CCNI2: variants seen among roughly 807,000 people sequenced by gnomAD.
CCNI2 encodes cyclin I family member 2.
Under a neutral mutation model 33.2 loss-of-function variants are expected in CCNI2, and 32 were observed. The ratio of observed to expected loss-of-function variants is 0.96; its 90% CI spans 0.73 to 1.30. The LOEUF (loss-of-function observed/expected upper bound fraction) is 1.30, where lower values mean the gene tolerates loss of function less well. CCNI2 is among the 50% of genes most tolerant of loss of function. The pLI is 0.00. For missense variants in CCNI2, 452 were observed against 486.2 expected, an observed-to-expected ratio of 0.93 and a Z score of 0.66; for synonymous variants, 231 against 219.9, an observed-to-expected ratio of 1.05 and a Z score of -0.45.
At position 132,747,522 on chromosome 5, in the gene CCNI2, G is replaced by A. The variant is rs779276859; in HGVS notation, c.27G>A (p.Pro9=). 3 of 1,498,706 alleles carry A rather than the reference G, an allele frequency of 2.0e-6. No individual in the cohort carries two copies. The highest frequency in any genetic ancestry group is 2.6e-6 in the Non-Finnish European group (3 of 1,132,132). 92.8% of individuals were successfully genotyped at this position (1,498,706 alleles called of 1,614,324 possible). A position where few individuals can be genotyped will look rare whatever the true frequency, so the allele number is the denominator to read the frequency against. ...TGGCCTCGGGCGCTCAGCTCCCGCC[G>A]CAGCCGTCGAGCTCAGAGGTCAGCG... The part of the protein sequence containing the change: MASGAQLP[P]QPSSSEVSAV... Residue 9 remains proline (P), a synonymous_variant, in exon 1 of 6, where the codon CCG becomes CCA. Transcript: ENST00000378731. The surrounding 1 kb of genome is among the most constrained non-coding windows in gnomAD (Gnocchi z 4.1).
Position 132,752,212 on chromosome 5 carries a change from GC to G in CCNI2, c.1005+20del. 6.4e-7 allele frequency: 1 copy of G among 1,552,942 alleles called. No homozygotes were observed. Among genetic ancestry groups the G allele is most frequent in the Non-Finnish European group, 8.7e-7 (1 of 1,146,068 alleles). On this transcript the variant is annotated intron_variant, in intron 5 of 5. Transcript: ENST00000378731. ...GAAAGCACAGGTAGACATCAACTTT[GC>G]CCCAGACCAGGCTCTGTGTTTTGCC...
rs10520113 is a variant in CCNI2 at position 132,750,693 on chromosome 5, G to C, written c.634-164G>C. 0.031 allele frequency: 20,267 copies of C among 662,938 alleles called. 2,878 individuals are homozygous for C. In the African/African-American group the frequency reaches 0.32, roughly 10 times the overall value. 41.1% of individuals were successfully genotyped at this position (662,938 alleles called of 1,614,324 possible). A position where few individuals can be genotyped will look rare whatever the true frequency, so the allele number is the denominator to read the frequency against. On this transcript the variant is annotated intron_variant, in intron 3 of 5. Coordinates refer to ENST00000378731, the MANE Select transcript of CCNI2 (RefSeq NM_001039780.4). ...TACATAACTACCTGAGGATTTGACA[G>C]ATAGCCAAGATCTGGTTTAGTATTT...
rs1365083247 is a variant in CCNI2, at chr5:132,751,989, C to CT, written c.799dup (p.Trp267LeufsTer63). 1 of 1,611,840 alleles carries CT rather than the reference C, an allele frequency of 6.2e-7. No individual in the cohort carries two copies. Among genetic ancestry groups the CT allele is most frequent in the African/African-American group, 1.3e-5 (1 of 75,014 alleles). On this transcript the variant is annotated frameshift_variant, in exon 5 of 6. Transcript: ENST00000378731. LOFTEE classifies it high-confidence loss of function. ...AGTTCCATGCCCTGGTGGTCCTGAG[C>CT]TGGCCCCATGTGTTGGAGCTGCTGC...
Position 132,747,590 on chromosome 5 carries a change from A to C in CCNI2, c.95A>C (p.Glu32Ala). 6.7e-7 allele frequency: 1 copy of C among 1,498,298 alleles called. No homozygotes were observed. The highest frequency in any genetic ancestry group is 8.8e-7 in the Non-Finnish European group (1 of 1,129,994). 92.8% of individuals were successfully genotyped at this position (1,498,298 alleles called of 1,614,324 possible). Residue 32 changes from glutamate to alanine, a missense_variant, in exon 1 of 6, where the codon GAA becomes GCA. By Grantham distance (107) the Glu-to-Ala change is moderately radical. Transcript: ENST00000378731. The surrounding 1 kb of genome is among the most constrained non-coding windows in gnomAD (Gnocchi z 4.1). ...PGGRPGAGLE[E>A]TALGVPLPPS... ...GGGCGTCCCGGCGCCGGTCTGGAGG[A>C]AACAGCCCTGGGCGTTCCTCTCCCG...
chr5:132,747,945 G>A lies in CCNI2; in HGVS notation c.429+21G>A, dbSNP rs1001569119. ...CCCAGGTACCCGTCGCTGCCGCGTGGCCCTCCTCGCGCGTGCACGGCAGGC... is the reference window on the plus strand; with the variant it reads ...CCCAGGTACCCGTCGCTGCCGCGTGACCCTCCTCGCGCGTGCACGGCAGGC... On this transcript the variant is annotated intron_variant, in intron 1 of 5. Coordinates refer to ENST00000378731, the MANE Select transcript of CCNI2 (RefSeq NM_001039780.4). This position sits in a 1 kb window ranked among gnomAD's most constrained non-coding sequence, Gnocchi z 4.1. The A allele has an allele frequency of 2.2e-6, 3 of 1,365,464 alleles. No homozygotes were observed. The highest frequency in any genetic ancestry group is 1.9e-6 in the Non-Finnish European group (2 of 1,065,888). 84.6% of individuals were successfully genotyped at this position (1,365,464 alleles called of 1,614,324 possible).
downstream of CCNI2, among the ~76,000 whole-genome samples, chr5:132,755,662 G>A (rs1047929728): frequency 6.6e-5 from 10 of 152,166 alleles, no homozygotes; most frequent in Non-Finnish European, 1.0e-4. Flanking sequence ...TAGTAGTCCC[G>A]TGGCAAGCCT....
Position 132,747,557 on chromosome 5 carries a change from G to A in CCNI2, c.62G>A (p.Ser21Asn). The A allele has an allele frequency of 6.7e-7, 1 of 1,498,980 alleles. No individual in the cohort carries two copies. The highest frequency in any genetic ancestry group is 1.2e-5 in the South Asian group (1 of 80,262). 92.9% of individuals were successfully genotyped at this position (1,498,980 alleles called of 1,614,324 possible). A position where few individuals can be genotyped will look rare whatever the true frequency, so the allele number is the denominator to read the frequency against. The change falls in exon 1 of 6, where the codon AGC (serine) becomes AAC (asparagine). Residue 21 changes from serine to asparagine, a missense_variant. Ser to Asn is a conservative substitution (Grantham distance 46). Coordinates refer to ENST00000378731, the MANE Select transcript of CCNI2 (RefSeq NM_001039780.4). The surrounding 1 kb of genome is among the most constrained non-coding windows in gnomAD (Gnocchi z 4.1). ...AGCTCAGAGGTCAGCGCCGTCCAGAGCCCAGGCGGGCGTCCCGGCGCCGGT... is the reference window on the plus strand; with the variant it reads ...AGCTCAGAGGTCAGCGCCGTCCAGAACCCAGGCGGGCGTCCCGGCGCCGGT... ...PSSSEVSAVQ[S>N]PGGRPGAGLE...
chr5:132,750,641 T>G (rs1754770617), intron 3 of CCNI2, among the ~76,000 whole-genome samples: 1 of 152,188 alleles, frequency 6.6e-6, no homozygotes, highest in Non-Finnish European at 1.5e-5. Flanking sequence ...AAGACCCGGT[T>G]TCAGAGGGGG....
Position 132,747,754 on chromosome 5 carries a change from A to T in CCNI2, c.259A>T (p.Lys87Ter). 1 of 1,469,662 alleles carries T rather than the reference A, an allele frequency of 6.8e-7. No individual in the cohort carries two copies. The highest frequency in any genetic ancestry group is 8.9e-7 in the Non-Finnish European group (1 of 1,118,822). The allele number at this position is 1,469,662 out of a possible 1,614,324, so 91.0% of individuals were successfully genotyped here. A position where few individuals can be genotyped will look rare whatever the true frequency, so the allele number is the denominator to read the frequency against. ...CCGGCGCGGTACGGCGCCAGCCGGGAAAACCGCAGACGCGGTCCCCGCCGC... is the reference window on the plus strand; with the variant it reads ...CCGGCGCGGTACGGCGCCAGCCGGGTAAACCGCAGACGCGGTCCCCGCCGC... ...RPRRGTAPAG[K>*]TADAVPAAAP... is the part of the protein sequence containing the mutation. Residue 87 changes from lysine (K) to a stop codon, truncating the protein, a stop_gained, in exon 1 of 6, where the codon AAA (lysine) becomes TAA (stop). Coordinates refer to ENST00000378731, the MANE Select transcript of CCNI2 (RefSeq NM_001039780.4). LOFTEE classifies it high-confidence loss of function. The surrounding 1 kb of genome is among the most constrained non-coding windows in gnomAD (Gnocchi z 4.1).
chr5:132,755,795 ACT>A (rs1755274392), downstream of CCNI2, among the ~76,000 whole-genome samples: 1 of 151,914 alleles, frequency 6.6e-6, no homozygotes. Flanking sequence ...CTTTCCTGTG[ACT>A]CTTCCCTCCA....
chr5:132,749,795 G>A (rs1296119035), intron 3 of CCNI2, among the ~76,000 whole-genome samples: 1 of 152,192 alleles, frequency 6.6e-6, no homozygotes, highest in East Asian at 1.9e-4. Context: ...TTATGTCTAA[G>A]AAAGCTGCTT....
chr5:132,753,073 G>T lies in CCNI2; in HGVS notation c.*103G>T, dbSNP rs1755004494. ...TGTTATGAATCCTGTAAAAAGGGAAGGTGGCTCTGGAAGAGCAACTGAGAA... is the reference window on the plus strand; with the variant it reads ...TGTTATGAATCCTGTAAAAAGGGAATGTGGCTCTGGAAGAGCAACTGAGAA... On this transcript the variant is annotated 3_prime_UTR_variant, in exon 6 of 6. Transcript: ENST00000378731. 7 of 936,520 alleles carry T rather than the reference G, an allele frequency of 7.5e-6. No individual in the cohort carries two copies. The highest frequency in any genetic ancestry group is 1.2e-5 in the Non-Finnish European group (7 of 603,912). 58.0% of individuals were successfully genotyped at this position (936,520 alleles called of 1,614,324 possible). A position where few individuals can be genotyped will look rare whatever the true frequency, so the allele number is the denominator to read the frequency against.
downstream of CCNI2, among the ~76,000 whole-genome samples, chr5:132,755,494 T>TACCAGCG (rs1452130510): frequency 3.5e-4 from 54 of 152,296 alleles, no homozygotes; most frequent in African/African-American, 1.3e-3. Context: ...AAATCTCAAC[T>TACCAGCG]TCTCCAGTTA....
intron 1 of CCNI2, among the ~76,000 whole-genome samples, 195 bp from the exon 2 acceptor site, chr5:132,748,152 C>G (rs959918818): frequency 6.6e-6 from 1 of 152,108 alleles, no homozygotes; most frequent in South Asian, 2.1e-4. Context: ...CAGCCTACGA[C>G]GAAAAGTGGG....
At chr5:132,750,513 G>A (rs757458795) in intron 3 of CCNI2, among the ~76,000 whole-genome samples, 2 of 152,172 alleles carry the variant, frequency 1.3e-5, no homozygotes. Flanking sequence ...ATAGGGAGAG[G>A]CAGAACCCAT....
Position 132,747,835 on chromosome 5 carries a change from G to A in CCNI2, c.340G>A (p.Glu114Lys). 2 of 1,480,590 alleles carry A rather than the reference G, an allele frequency of 1.4e-6. No homozygotes were observed. The highest frequency in any genetic ancestry group is 1.8e-6 in the Non-Finnish European group (2 of 1,123,220). The allele number at this position is 1,480,590 out of a possible 1,614,324, so 91.7% of individuals were successfully genotyped here. The change falls in exon 1 of 6, where the codon GAA (glutamate) becomes AAA (lysine). Residue 114 changes from glutamate (E) to lysine (K), a missense_variant. Transcript: ENST00000378731. This position sits in a 1 kb window ranked among gnomAD's most constrained non-coding sequence, Gnocchi z 4.1. ...APQSRKPRNL[E>K]GDLDERRLLC... ...ACAGTCCCGCAAGCCGCGCAACCTG[G>A]AAGGCGACCTGGACGAGCGCCGGCT...
intron 4 of CCNI2, 199 bp from the exon 5 acceptor site, chr5:132,751,767 G>A (rs1261096330): frequency 6.0e-6 from 3 of 497,988 alleles, no homozygotes; most frequent in Non-Finnish European, 1.0e-5. Context: ...TTTTTTTTTT[G>A]GTCCCGGAGT....
At position 132,747,737 on chromosome 5, in the gene CCNI2, G is replaced by T. The variant is rs570865198; in HGVS notation, c.242G>T (p.Gly81Val). 111 of 1,473,388 alleles carry T rather than the reference G, an allele frequency of 7.5e-5. 1 individual carries two copies. In the South Asian group the frequency reaches 1.4e-3, roughly 18 times the overall value. 91.3% of individuals were successfully genotyped at this position (1,473,388 alleles called of 1,614,324 possible). Reference sequence around the variant, plus strand: ...GCAGTCCCCGTGCGGCCCCGGCGCGGTACGGCGCCAGCCGGGAAAACCGCA... The same window carrying T: ...GCAGTCCCCGTGCGGCCCCGGCGCGTTACGGCGCCAGCCGGGAAAACCGCA... ...SAAVPVRPRR[G>V]TAPAGKTADA... Residue 81 changes from glycine to valine, a missense_variant, in exon 1 of 6, where the codon GGT (glycine) becomes GTT (valine). Coordinates refer to ENST00000378731, the MANE Select transcript of CCNI2 (RefSeq NM_001039780.4). This position sits in a 1 kb window ranked among gnomAD's most constrained non-coding sequence, Gnocchi z 4.1.
Position 132,753,105 on chromosome 5 carries a change from C to T in CCNI2, c.*135C>T. The T allele has an allele frequency of 1.5e-6, 1 of 686,762 alleles. No homozygotes were observed. 42.5% of individuals were successfully genotyped at this position (686,762 alleles called of 1,614,324 possible). ...CTGGAAGAGCAACTGAGAAAAAGTT[C>T]CCAACTGAGCCCTTGGAAAAAAAAT... On this transcript the variant is annotated 3_prime_UTR_variant, in exon 6 of 6. Transcript: ENST00000378731.
Sources: gnomAD v4.1 joint callset for allele counts (sites outside exome capture counted in the v4.1 genomes callset) on GRCh38, gnomAD v4.1.1 for gene constraint, Gnocchi (gnomAD v3.1) non-coding constraint, MANE v1.5 for transcripts, NCBI Gene and HGNC (gene_info 2026-07-23, HGNC 2026-07-21) for gene names.